The following CDH7 variants were observed in gnomAD, a reference collection of about 807,000 sequenced individuals.
CDH7 encodes the protein cadherin 7.
CDH7 carries 25 observed loss-of-function variants against 71.8 expected under a neutral mutation model. That is an observed-to-expected ratio of 0.35 (90% CI 0.25 to 0.49). The LOEUF (loss-of-function observed/expected upper bound fraction) is 0.49, where lower values mean the gene tolerates loss of function less well. CDH7 is among the 20% of genes least tolerant of loss of function. The pLI is 0.99. For missense variants in CDH7, 862 were observed against 974.6 expected (o/e 0.88, Z 1.54); for synonymous variants, 381 against 363.8 (o/e 1.05, Z -0.54).
Position 65,857,884 on chromosome 18 carries a change from C to T in CDH7, c.1304C>T (p.Thr435Ile). 6.2e-7 allele frequency: 1 copy of T among 1,613,460 alleles called. No homozygotes were observed. Among genetic ancestry groups the T allele is most frequent in the Non-Finnish European group, 8.5e-7 (1 of 1,179,496 alleles). Reference protein sequence around the residue: ...FNIDANSGVITTAKSLDRETN... With the variant: ...FNIDANSGVIITAKSLDRETN... The stretch of plus-strand genomic sequence containing the variant: ...ATTGATGCCAACAGTGGGGTCATCA[C>T]AACTGCCAAGTCTTTGGATCGAGAG... The change falls in exon 8 of 12, where the codon ACA becomes ATA. Residue 435 changes from threonine (T) to isoleucine (I), a missense_variant. Coordinates refer to ENST00000397968, the MANE Select transcript of CDH7 (RefSeq NM_004361.5).
Position 65,822,472 on chromosome 18 carries a change from C to T in CDH7, c.793+224C>T, listed in dbSNP as rs182811237. 1.6e-3 allele frequency among the ~76,000 whole-genome samples: 241 copies of T among 152,090 alleles called. 2 individuals are homozygous for T. The highest frequency in any genetic ancestry group is 2.8e-3 in the Non-Finnish European group (192 of 67,944). ...CATCATATATTTGCATTACTTCTATCTTAAATATAGTAAGATTTTTCTTTC... is the reference window on the plus strand; with the variant it reads ...CATCATATATTTGCATTACTTCTATTTTAAATATAGTAAGATTTTTCTTTC... On this transcript the variant is annotated intron_variant, in intron 5 of 11. Coordinates refer to ENST00000397968, the MANE Select transcript of CDH7 (RefSeq NM_004361.5).
intron 2 of CDH7, among the ~76,000 whole-genome samples, chr18:65,799,171 C>A (rs1013747938): frequency 6.6e-6 from 1 of 151,962 alleles, no homozygotes; most frequent in African/African-American, 2.4e-5. Context: ...CTAACAGAAG[C>A]CCCCATTAGG....
At chr18:65,821,576 C>T (rs1218971131) in intron 4 of CDH7, among the ~76,000 whole-genome samples, 1 of 152,068 alleles carries the variant, frequency 6.6e-6, no homozygotes, top group Non-Finnish European at 1.5e-5. Context: ...AAATATAGAT[C>T]TGTTGCAGAT....
Position 65,881,933 on chromosome 18 carries a change from A to G in CDH7, c.*1039A>G, listed in dbSNP as rs1487413661. ...GTTCTTCTGAGCCATTAGAATGTCA[A>G]AACATTGGAATAAAATATTTGTATT... On this transcript the variant is annotated 3_prime_UTR_variant, in exon 12 of 12. Coordinates refer to ENST00000397968, the MANE Select transcript of CDH7 (RefSeq NM_004361.5). The G allele has an allele frequency of 2.0e-5, 3 of 152,210 alleles. No individual in the cohort carries two copies. Among genetic ancestry groups the G allele is most frequent in the African/African-American group, 7.2e-5 (3 of 41,460 alleles). The allele number at this position is 152,210 out of a possible 1,614,324, so 9.4% of individuals were successfully genotyped here. A position where few individuals can be genotyped will look rare whatever the true frequency, so the allele number is the denominator to read the frequency against.
Position 65,812,061 on chromosome 18 carries a change from C to T in CDH7, c.505+2063C>T, listed in dbSNP as rs188477580. ...TTGGCCTACTGCAACCTCCACCTCCCGAGTTCAAGCAATTCTCCTGCCTCA... is the reference window on the plus strand; with the variant it reads ...TTGGCCTACTGCAACCTCCACCTCCTGAGTTCAAGCAATTCTCCTGCCTCA... On this transcript the variant is annotated intron_variant, in intron 3 of 11. Transcript: ENST00000397968. Among the ~76,000 whole-genome samples the T allele has an allele frequency of 1.6e-3, 232 of 148,530 alleles. 1 individual carries two copies. The highest frequency in any genetic ancestry group is 5.5e-3 in the African/African-American group (222 of 40,360).
chr18:65,785,246 T>C (rs946359251), intron 2 of CDH7, among the ~76,000 whole-genome samples: 2 of 152,010 alleles, frequency 1.3e-5, no homozygotes, highest in African/African-American at 4.8e-5. Flanking sequence ...CATATATATA[T>C]ATATTATTAG....
chr18:65,791,107 A>T (rs1264588837), intron 2 of CDH7, among the ~76,000 whole-genome samples: 1 of 152,240 alleles, frequency 6.6e-6, no homozygotes, highest in Admixed American at 6.5e-5. Context: ...TTACATTTAT[A>T]AAATATTTGA....
intron 6 of CDH7, among the ~76,000 whole-genome samples, chr18:65,839,885 C>T (rs765018062): frequency 2.6e-5 from 4 of 152,138 alleles, no homozygotes; most frequent in Non-Finnish European, 5.9e-5. Context: ...CAGAGATTGG[C>T]AAACAACTGC....
intron 2 of CDH7, among the ~76,000 whole-genome samples, chr18:65,795,072 A>T (rs368737243): frequency 3.3e-5 from 5 of 152,278 alleles, no homozygotes; most frequent in South Asian, 4.2e-4. Flanking sequence ...GAACAGAGAA[A>T]TAGTAGTGAT....
At chr18:65,874,042 C>G (rs1914001115) in intron 11 of CDH7, among the ~76,000 whole-genome samples, 1 of 152,122 alleles carries the variant, frequency 6.6e-6, no homozygotes, top group Admixed American at 6.5e-5. Context: ...TGAGCACATA[C>G]TTACTATCAT....
intron 1 of CDH7, among the ~76,000 whole-genome samples, chr18:65,761,148 C>T (rs1375891679): frequency 1.3e-5 from 2 of 152,114 alleles, no homozygotes; most frequent in Non-Finnish European, 2.9e-5. Flanking sequence ...CTCTCAGGTA[C>T]AGTAATTAGA....
Position 65,824,699 on chromosome 18 carries a change from A to T in CDH7, c.849A>T (p.Arg283Ser). 1 of 1,612,554 alleles carries T rather than the reference A, an allele frequency of 6.2e-7. No individual in the cohort carries two copies. The highest frequency in any genetic ancestry group is 8.5e-7 in the Non-Finnish European group (1 of 1,178,856). ...TACCTGTAGCCTCAGTTGTGGCCAG[A>T]ATTAAAGCTGCTGATGCAGATATTG... ...ESLPVASVVA[R>S]IKAADADIGA... Residue 283 changes from arginine (R) to serine (S), a missense_variant, in exon 6 of 12, where the codon AGA (arginine) becomes AGT (serine). Physicochemically the swap from Arg to Ser is moderately radical, Grantham distance 110. Coordinates refer to ENST00000397968, the MANE Select transcript of CDH7 (RefSeq NM_004361.5).
At chr18:65,859,672 C>A in intron 9 of CDH7, 36 bp from the exon 10 acceptor site, 1 of 1,243,530 alleles carries the variant, frequency 8.0e-7, no homozygotes, top group Non-Finnish European at 1.2e-6. Flanking sequence ...CATAGCACAC[C>A]AATGTGCTTT....
At chr18:65,874,553 A>C (rs1482089312) in intron 11 of CDH7, among the ~76,000 whole-genome samples, 1 of 152,032 alleles carries the variant, frequency 6.6e-6, no homozygotes, top group Non-Finnish European at 1.5e-5. Context: ...AGGGTTGAAA[A>C]ACTACCTGTT....
In CDH7 at chr18:65,782,162, CTTCCTTTCTTTCTT is replaced by C. The variant is rs1910326599; in HGVS notation, c.210+19112_210+19125del. 9.4e-5 allele frequency among the ~76,000 whole-genome samples: 10 copies of C among 106,480 alleles called. 1 individual carries two copies. The highest frequency in any genetic ancestry group is 3.9e-4 in the African/African-American group (8 of 20,500). 69.9% of individuals were successfully genotyped at this position (106,480 alleles called of 152,430 possible). On this transcript the variant is annotated intron_variant, in intron 2 of 11. Transcript: ENST00000397968. ...TCTTTCTTTCTTTCTTTCTTTCTTT[CTTCCTTTCTTTCTT>C]TCTTTCTTTCTTGACAGAGTCTCAC...
intron 2 of CDH7, among the ~76,000 whole-genome samples, chr18:65,763,822 G>A (rs1916275811): frequency 6.6e-6 from 1 of 151,908 alleles, no homozygotes; most frequent in South Asian, 2.1e-4. Context: ...TCACTGGAGA[G>A]CTTCCTGAAC....
At chr18:65,760,611 A>G (rs946507471) in intron 1 of CDH7, among the ~76,000 whole-genome samples, 13 of 152,126 alleles carry the variant, frequency 8.5e-5, no homozygotes, top group African/African-American at 2.4e-4. Flanking sequence ...GAGAAGGGAG[A>G]GTGGTGAAAC....
rs149920696 is a variant in CDH7 at position 65,849,732 on chromosome 18, C to T, written c.1235+5667C>T. On this transcript the variant is annotated intron_variant, in intron 7 of 11. Coordinates refer to ENST00000397968, the MANE Select transcript of CDH7 (RefSeq NM_004361.5). ...CCGGCCCATTTTTTCATGTTTTATT[C>T]TATTGCTCTAGAATTACAAAGCTCT... Among the ~76,000 whole-genome samples the T allele has an allele frequency of 3.0e-3, 461 of 151,720 alleles. 8 individuals carry two copies. The highest frequency in any genetic ancestry group is 0.011 in the African/African-American group (440 of 41,386).
At chr18:65,828,793 T>A (rs1912226962) in intron 6 of CDH7, among the ~76,000 whole-genome samples, 1 of 152,160 alleles carries the variant, frequency 6.6e-6, no homozygotes, top group Non-Finnish European at 1.5e-5. Context: ...TTCATTGAAA[T>A]ATGTAATTCA....
Sources: allele counts gnomAD v4.1 joint callset (sites outside exome capture counted in the v4.1 genomes callset), GRCh38; gene constraint gnomAD v4.1.1; transcripts MANE v1.5; gene names NCBI Gene and HGNC (gene_info 2026-07-23, HGNC 2026-07-21).